The following MGAT4C variants were observed in gnomAD, a reference collection of about 807,000 sequenced individuals.
MGAT4C encodes the protein MGAT4 family member C, also known as alpha-1,3-mannosyl-glycoprotein 4-beta-N-acetylglucosaminyltransferase C.
Under a neutral mutation model 40.1 loss-of-function variants are expected in MGAT4C, and 19 were observed. The observed-to-expected ratio is 0.47, with a 90% CI of 0.33 to 0.70. The LOEUF is 0.70. Ranked by LOEUF, MGAT4C falls within the 30% of genes least tolerant of loss-of-function variation. The pLI, the probability that MGAT4C is intolerant of heterozygous loss-of-function variation, is 0.02. For synonymous variants in MGAT4C, 181 were observed against 187.1 expected, an observed-to-expected ratio of 0.97 and a Z score of 0.27; for missense variants, 491 against 563.2, an observed-to-expected ratio of 0.87 and a Z score of 1.30.
At chr12:86,209,943 C>T (rs1950394756) in intron 1 of MGAT4C, among the ~76,000 whole-genome samples, 1 of 152,118 alleles carries the variant, frequency 6.6e-6, no homozygotes, top group Non-Finnish European at 1.5e-5. Context: ...AATTATAATT[C>T]CCTCACTCAA....
chr12:86,630,381 G>A (rs955731941), intron 2 of MGAT4C, among the ~76,000 whole-genome samples: 3 of 152,122 alleles, frequency 2.0e-5, no homozygotes, highest in African/African-American at 4.8e-5. Flanking sequence ...GAAAAAGAGG[G>A]AATCCTCCCT....
At chr12:86,798,263 G>A (rs963415035) in intron 1 of MGAT4C, among the ~76,000 whole-genome samples, 2 of 151,936 alleles carry the variant, frequency 1.3e-5, no homozygotes, top group African/African-American at 2.4e-5. Context: ...GTTTAGTATT[G>A]TAAAATTTTA....
chr12:86,712,811 C>T (rs1950580740), intron 2 of MGAT4C, among the ~76,000 whole-genome samples: 1 of 152,130 alleles, frequency 6.6e-6, no homozygotes, highest in Non-Finnish European at 1.5e-5. Flanking sequence ...ACAATTTTGC[C>T]TCCTCTGGCT....
intron 1 of MGAT4C, among the ~76,000 whole-genome samples, chr12:86,772,983 G>T (rs1951664914): frequency 6.6e-6 from 1 of 152,070 alleles, no homozygotes; most frequent in Non-Finnish European, 1.5e-5. Flanking sequence ...GGGGCTGCTG[G>T]GATGGGGTGA....
chr12:86,163,207 C>CT lies in MGAT4C; in HGVS notation c.-57+93031dup, dbSNP rs548062346. Among the ~76,000 whole-genome samples the CT allele has an allele frequency of 4.6e-5, 7 of 151,908 alleles. No homozygotes were observed. The South Asian group carries it at 8.3e-4, about 18-fold the overall frequency. ...AACAATTAGAAATCATCCTCCCCCC[C>CT]TTTTTTTTCTTTTTGAGACAGGGTC... On this transcript the variant is annotated intron_variant, in intron 1 of 4. Coordinates refer to ENST00000611864, the MANE Select transcript of MGAT4C (RefSeq NM_001351288.2).
intron 2 of MGAT4C, among the ~76,000 whole-genome samples, chr12:86,566,578 A>G (rs868444513): frequency 7.7e-6 from 1 of 130,174 alleles, no homozygotes; most frequent in African/African-American, 2.8e-5. Flanking sequence ...ATATATATGT[A>G]TATGTATATA....
chr12:86,776,773 C>T (rs993018266), intron 1 of MGAT4C, among the ~76,000 whole-genome samples: 12 of 151,936 alleles, frequency 7.9e-5, no homozygotes, highest in Non-Finnish European at 1.0e-4. Flanking sequence ...GTGTTTTGTA[C>T]ACGTTAGATT....
intron 4 of MGAT4C, among the ~76,000 whole-genome samples, chr12:86,283,914 G>A (rs1187689187): frequency 6.6e-6 from 1 of 152,082 alleles, no homozygotes. Flanking sequence ...AGGCATTGCT[G>A]CCTCAAAATG....
At chr12:86,264,794 C>A (rs939337239) in intron 4 of MGAT4C, among the ~76,000 whole-genome samples, 1 of 151,140 alleles carries the variant, frequency 6.6e-6, no homozygotes, top group Non-Finnish European at 1.5e-5. Flanking sequence ...CCTCTCCCGG[C>A]GCCCTCTCCG....
chr12:86,640,765 C>T (rs142039714), intron 2 of MGAT4C, among the ~76,000 whole-genome samples: 13,032 of 151,838 alleles, frequency 0.086, 893 homozygotes, highest in African/African-American at 0.19. Flanking sequence ...CTTCTACACA[C>T]TGCTTTGAAT....
intron 1 of MGAT4C, among the ~76,000 whole-genome samples, chr12:86,743,116 ATGTGTGTGTGTG>A (rs60215418): frequency 2.8e-5 from 4 of 144,582 alleles, no homozygotes; most frequent in Admixed American, 2.1e-4. Context: ...GTGTGTATGC[ATGTGTGTGTGTG>A]TGTGTGTGTG....
At chr12:86,123,888 T>A (rs1451369545) in intron 1 of MGAT4C, among the ~76,000 whole-genome samples, 2 of 152,112 alleles carry the variant, frequency 1.3e-5, no homozygotes, top group Non-Finnish European at 2.9e-5. Flanking sequence ...AGAAAGTCCC[T>A]TGTATGTGCA....
intron 1 of MGAT4C, among the ~76,000 whole-genome samples, chr12:86,832,403 A>G (rs1025541690): frequency 1.3e-5 from 2 of 151,830 alleles, no homozygotes; most frequent in South Asian, 2.1e-4. Context: ...TAGATTTTCT[A>G]TAAGTCTGAC....
At chr12:86,214,741 T>C (rs564856436) in intron 1 of MGAT4C, among the ~76,000 whole-genome samples, 6 of 152,218 alleles carry the variant, frequency 3.9e-5, no homozygotes, top group Admixed American at 1.3e-4. Flanking sequence ...TACCATCACA[T>C]TGAGGATTAA....
chr12:86,767,701 G>A (rs1951540492), intron 1 of MGAT4C, among the ~76,000 whole-genome samples: 1 of 152,118 alleles, frequency 6.6e-6, no homozygotes, highest in African/African-American at 2.4e-5. Flanking sequence ...GGGATGCAAG[G>A]CTGGTTCAAT....
intron 4 of MGAT4C, among the ~76,000 whole-genome samples, chr12:86,302,828 G>A (rs913790147): frequency 2.7e-5 from 4 of 150,604 alleles, no homozygotes; most frequent in Non-Finnish European, 1.5e-5. Flanking sequence ...ACTGCCAGTC[G>A]ACCAATGATT....
At chr12:86,129,475 C>G (rs1390174977) in intron 1 of MGAT4C, among the ~76,000 whole-genome samples, 3 of 151,790 alleles carry the variant, frequency 2.0e-5, no homozygotes, top group East Asian at 1.9e-4. Context: ...TTAAAGGACT[C>G]CAGCCTTTTT....
intron 2 of MGAT4C, among the ~76,000 whole-genome samples, chr12:86,679,559 A>G (rs1308522387): frequency 6.6e-6 from 1 of 152,034 alleles, no homozygotes; most frequent in Admixed American, 6.6e-5. Context: ...ATATGTTAAA[A>G]TCCTGTCCCC....
chr12:86,266,198 G>A (rs1282319473), intron 4 of MGAT4C, among the ~76,000 whole-genome samples: 1 of 152,172 alleles, frequency 6.6e-6, no homozygotes, highest in African/African-American at 2.4e-5. Context: ...GTGCAAGCGG[G>A]CATTCTTGTC....
Sources: gnomAD v4.1 joint callset for allele counts (sites outside exome capture counted in the v4.1 genomes callset) on GRCh38, gnomAD v4.1.1 for gene constraint, MANE v1.5 for transcripts, NCBI Gene and HGNC (gene_info 2026-07-23, HGNC 2026-07-21) for gene names.